The following FBXW8 variants were observed in gnomAD, a reference collection of about 807,000 sequenced individuals.
The protein encoded by FBXW8 is F-box and WD repeat domain containing 8, also known as F-box/WD repeat-containing protein 8.
A neutral mutation model predicts 65.3 loss-of-function variants in FBXW8; 57 were observed. The ratio of observed to expected loss-of-function variants is 0.87; its 90% CI spans 0.71 to 1.09. The LOEUF is 1.09. Ranked by LOEUF, FBXW8 falls within the 50% of genes least tolerant of loss-of-function variation. The probability of loss-of-function intolerance (pLI) is 0.00; values close to 1 mark genes in which losing one functional copy is unlikely to be tolerated. For missense variants in FBXW8, 777 were observed against 814.8 expected, an observed-to-expected ratio of 0.95 and a Z score of 0.57; for synonymous variants, 308 against 330.2, an observed-to-expected ratio of 0.93 and a Z score of 0.73.
At position 116,964,866 on chromosome 12, in the gene FBXW8, C is replaced by T; in HGVS notation, c.835+12C>T. 1 of 1,577,598 alleles carries T rather than the reference C, an allele frequency of 6.3e-7. No homozygotes were observed. Among genetic ancestry groups the T allele is most frequent in the South Asian group, 1.2e-5 (1 of 85,594 alleles). ...AGCTTATGAGGATGGTAAGTAACCA[C>T]AACCCTCCTCCCTATTAAGGAAAAA... On this transcript the variant is annotated intron_variant, in intron 5 of 10. Coordinates refer to ENST00000652555, the MANE Select transcript of FBXW8 (RefSeq NM_153348.3).
In FBXW8 at chr12:116,959,674, T is replaced by G. The variant is rs114750075; in HGVS notation, c.678-5023T>G. Reference sequence around the variant, plus strand: ...TAGTCCCTTAGTCCAATAAGTAGTCTGCTTATTGGAAACTTACTAGTTAAT... The same window carrying G: ...TAGTCCCTTAGTCCAATAAGTAGTCGGCTTATTGGAAACTTACTAGTTAAT... On this transcript the variant is annotated intron_variant, in intron 4 of 10. Coordinates refer to ENST00000652555, the MANE Select transcript of FBXW8 (RefSeq NM_153348.3). 5.5e-3 allele frequency among the ~76,000 whole-genome samples: 832 copies of G among 152,354 alleles called. 11 individuals carry two copies. The highest frequency in any genetic ancestry group is 0.019 in the African/African-American group (803 of 41,580).
intron 9 of FBXW8, among the ~76,000 whole-genome samples, chr12:117,025,476 A>G (rs191434879): frequency 2.5e-4 from 38 of 152,228 alleles, no homozygotes; most frequent in Non-Finnish European, 1.2e-4. Context: ...TGAGAACACA[A>G]CCTCTGAGCA....
intron 7 of FBXW8, among the ~76,000 whole-genome samples, chr12:116,989,682 A>G (rs572906697): frequency 6.6e-6 from 1 of 152,340 alleles, no homozygotes; most frequent in Non-Finnish European, 1.5e-5. Flanking sequence ...CAGTGGGACC[A>G]AGGGGGAGAG....
intron 6 of FBXW8, chr12:116,986,841 G>A (rs185204531): frequency 8.9e-4 from 136 of 152,336 alleles, no homozygotes; most frequent in African/African-American, 3.1e-3. Flanking sequence ...GAGCCTCTTG[G>A]TCTGTCAGAA....
intron 9 of FBXW8, among the ~76,000 whole-genome samples, chr12:117,025,420 CTAAGA>C (rs1450705363): frequency 5.3e-5 from 8 of 152,234 alleles, no homozygotes; most frequent in Admixed American, 1.3e-4. Flanking sequence ...CCCACAGGAA[CTAAGA>C]TTTGTTCCCC....
Position 117,024,141 on chromosome 12 carries a change from G to C in FBXW8, c.1368-6G>C. 6.2e-7 allele frequency: 1 copy of C among 1,612,896 alleles called. No homozygotes were observed. The highest frequency in any genetic ancestry group is 8.5e-7 in the Non-Finnish European group (1 of 1,179,358). On this transcript the variant is annotated splice_polypyrimidine_tract_variant and splice_region_variant and intron_variant, in intron 8 of 10. Coordinates refer to ENST00000652555, the MANE Select transcript of FBXW8 (RefSeq NM_153348.3). Reference sequence around the variant, plus strand: ...TCCCTTCTCTGCTCTTCCTGGGCCTGTCCAGGGTGAGGATCCACGACCTCC... The same window carrying C: ...TCCCTTCTCTGCTCTTCCTGGGCCTCTCCAGGGTGAGGATCCACGACCTCC...
At position 117,002,185 on chromosome 12, in the gene FBXW8, A is replaced by C. The variant is rs766233418; in HGVS notation, c.1240-8138A>C. Reference sequence around the variant, plus strand: ...CAGTTGGCACTGCCTGCCCGGGAAGAGTCCAGTCCTGGAACAGCGGGGGTT... The same window carrying C: ...CAGTTGGCACTGCCTGCCCGGGAAGCGTCCAGTCCTGGAACAGCGGGGGTT... On this transcript the variant is annotated intron_variant, in intron 7 of 10. Coordinates refer to ENST00000652555, the MANE Select transcript of FBXW8 (RefSeq NM_153348.3). Among the ~76,000 whole-genome samples, 3 of 152,350 alleles carry C rather than the reference A, an allele frequency of 2.0e-5. No individual in the cohort carries two copies. In the East Asian group the frequency reaches 5.8e-4, roughly 29 times the overall value.
intron 7 of FBXW8, among the ~76,000 whole-genome samples, chr12:117,001,712 G>T (rs1006633542): frequency 3.3e-5 from 5 of 152,156 alleles, no homozygotes; most frequent in Non-Finnish European, 7.4e-5. Context: ...GGCCTGTTGG[G>T]AGCATGAAGG....
intron 7 of FBXW8, among the ~76,000 whole-genome samples, chr12:117,004,213 C>A (rs1202193886): frequency 6.6e-6 from 1 of 152,136 alleles, no homozygotes; most frequent in Non-Finnish European, 1.5e-5. Context: ...TCTAGAAATT[C>A]TCTGCTTTAT....
At chr12:116,967,961 T>C (rs916215522) in intron 5 of FBXW8, among the ~76,000 whole-genome samples, 20 of 152,174 alleles carry the variant, frequency 1.3e-4, no homozygotes, top group African/African-American at 4.6e-4. Flanking sequence ...AGAGCTGGGC[T>C]TTCACCATGT....
intron 3 of FBXW8, among the ~76,000 whole-genome samples, chr12:116,947,270 A>G (rs981577089): frequency 1.3e-5 from 2 of 152,206 alleles, no homozygotes; most frequent in East Asian, 3.8e-4. Context: ...TGATTGAGTG[A>G]ACTGGAGCGG....
intron 4 of FBXW8, 100 bp downstream of exon 4, chr12:116,949,806 C>A: frequency 9.5e-7 from 1 of 1,047,404 alleles, no homozygotes; most frequent in Non-Finnish European, 1.5e-6. Flanking sequence ...CCTTTGAGAG[C>A]ATGTACCTCC....
At chr12:117,020,417 A>G (rs1457563722) in intron 8 of FBXW8, among the ~76,000 whole-genome samples, 1 of 152,210 alleles carries the variant, frequency 6.6e-6, no homozygotes, top group East Asian at 1.9e-4. Context: ...TTCGGGAAAC[A>G]TCAGCTGTTA....
At chr12:116,947,228 A>G (rs556563967) in intron 3 of FBXW8, among the ~76,000 whole-genome samples, 5 of 152,176 alleles carry the variant, frequency 3.3e-5, no homozygotes, top group Non-Finnish European at 5.9e-5. Flanking sequence ...ACAGGAAGTC[A>G]TGTGTTAGGT....
At chr12:117,022,183 C>G (rs996393235) in intron 8 of FBXW8, among the ~76,000 whole-genome samples, 2 of 152,122 alleles carry the variant, frequency 1.3e-5, no homozygotes, top group East Asian at 3.8e-4. Context: ...CTTCCTCAGG[C>G]TGCTATTTGT....
chr12:116,985,334 G>A lies in FBXW8; in HGVS notation c.964G>A (p.Val322Ile). The part of the protein sequence containing the change: ...ATVATASAFD[V>I]VMLSPNEEGY... ...CGTGGCCACAGCTTCTGCTTTTGAT[G>A]TCGTGATGTTATCCCCCAATGAGGA... The change falls in exon 6 of 11, where the codon GTC becomes ATC. Residue 322 changes from valine to isoleucine, a missense_variant. Transcript: ENST00000652555. The A allele has an allele frequency of 1.2e-6, 2 of 1,614,222 alleles. No homozygotes were observed. The highest frequency in any genetic ancestry group is 1.7e-6 in the Non-Finnish European group (2 of 1,180,040).
chr12:116,911,202 G>GGCCC lies in FBXW8; in HGVS notation c.166_169dup (p.Gln57ArgfsTer53). The GGCCC allele has an allele frequency of 2.4e-6, 3 of 1,273,630 alleles. No homozygotes were observed. The highest frequency in any genetic ancestry group is 3.0e-6 in the Non-Finnish European group (3 of 1,015,192). 78.9% of individuals were successfully genotyped at this position (1,273,630 alleles called of 1,614,324 possible). A position where few individuals can be genotyped will look rare whatever the true frequency, so the allele number is the denominator to read the frequency against. On this transcript the variant is annotated frameshift_variant, in exon 1 of 11. Coordinates refer to ENST00000652555, the MANE Select transcript of FBXW8 (RefSeq NM_153348.3). LOFTEE classifies it high-confidence loss of function. ...AACAGGCCTCGGGGGACCCGGCGCT[G>GGCCC]GCCCAGCGTCTCCTGGAGGGCGCGG...
intron 1 of FBXW8, among the ~76,000 whole-genome samples, 159 bp from the exon 2 acceptor site, chr12:116,927,864 A>G (rs893668806): frequency 2.0e-5 from 3 of 152,202 alleles, no homozygotes; most frequent in African/African-American, 7.2e-5. Flanking sequence ...TAGTTCCATG[A>G]CTGCCTGGTG....
At position 116,985,192 on chromosome 12, in the gene FBXW8, T is replaced by G. The variant is rs377176624; in HGVS notation, c.836-14T>G. On this transcript the variant is annotated splice_polypyrimidine_tract_variant and intron_variant, in intron 5 of 10. Transcript: ENST00000652555. ...AATTTAAAATTGTTACCTGCATTGT[T>G]TCTTGCTGCATAGGGTTTCTTAATA... The G allele has an allele frequency of 1.0e-5, 16 of 1,570,646 alleles. No individual in the cohort carries two copies. Among genetic ancestry groups the G allele is most frequent in the Non-Finnish European group, 1.4e-5 (16 of 1,160,864 alleles).
Sources: gnomAD v4.1 joint callset for allele counts (sites outside exome capture counted in the v4.1 genomes callset) on GRCh38, gnomAD v4.1.1 for gene constraint, MANE v1.5 for transcripts, NCBI Gene and HGNC (gene_info 2026-07-23, HGNC 2026-07-21) for gene names.